FCHSD1: variants seen among roughly 807,000 people sequenced by gnomAD.
FCHSD1 encodes the protein F-BAR and double SH3 domains protein 1.
Under a neutral mutation model 101.3 loss-of-function variants are expected in FCHSD1, and 109 were observed. The observed-to-expected ratio is 1.08, with a 90% CI of 0.92 to 1.26. The LOEUF (loss-of-function observed/expected upper bound fraction) is 1.26, where lower values mean the gene tolerates loss of function less well. Ranked by LOEUF, FCHSD1 falls within the 50% of genes most tolerant of loss-of-function variation. The pLI is 0.00. For synonymous variants in FCHSD1, 291 were observed against 356.8 expected (o/e 0.82, Z 2.08); for missense variants, 820 against 895.8 (o/e 0.92, Z 1.08).
chr5:141,646,732 T>G lies in FCHSD1; in HGVS notation c.925-10A>C, dbSNP rs773662944. 2 of 1,611,168 alleles carry G rather than the reference T, an allele frequency of 1.2e-6. No individual in the cohort carries two copies. Among genetic ancestry groups the G allele is most frequent in the Admixed American group, 3.3e-5 (2 of 59,792 alleles). On this transcript the variant is annotated splice_polypyrimidine_tract_variant and intron_variant, in intron 10 of 19. Transcript: ENST00000435817. ...ACTCCAGGACACACACCTGAATGGGTCAGGGGGTGCTGTGAGGAGGACCTG... is the reference window on the plus strand; with the variant it reads ...ACTCCAGGACACACACCTGAATGGGGCAGGGGGTGCTGTGAGGAGGACCTG...
chr5:141,640,812 T>G lies in FCHSD1; in HGVS notation c.*686A>C. 1.2e-6 allele frequency: 1 copy of G among 800,384 alleles called. No homozygotes were observed. The highest frequency in any genetic ancestry group is 1.8e-5 in the South Asian group (1 of 55,038). 49.6% of individuals were successfully genotyped at this position (800,384 alleles called of 1,614,324 possible). On this transcript the variant is annotated 3_prime_UTR_variant, in exon 20 of 20. Transcript: ENST00000435817. ...CACCTGGAGTTGCACAGTCTCAGGC[T>G]GGGGGCCTCAGGAGAGGTCACAGCC...
rs1472385013 is a variant in FCHSD1 at position 141,646,160 on chromosome 5, T to G, written c.1076A>C (p.Gln359Pro). ...GCTTGGAGCCTCCCGCTCTGAAGCC[T>G]GCTGCCGCCTCTGCTCCAGTCGTTG... ...VLQRLEQRRQ[Q>P]ASEREAPSIE... Residue 359 changes from glutamine (Q) to proline (P), a missense_variant, in exon 12 of 20, where the codon CAG becomes CCG. Physicochemically the swap from Gln to Pro is moderately conservative, Grantham distance 76. Transcript: ENST00000435817. 1.2e-6 allele frequency: 2 copies of G among 1,610,686 alleles called. No homozygotes were observed. Among genetic ancestry groups the G allele is most frequent in the Non-Finnish European group, 1.7e-6 (2 of 1,178,738 alleles).
chr5:141,641,793 T>C (rs186230756), intron 18 of FCHSD1, 36 bp from the exon 19 acceptor site: 78 of 1,610,664 alleles, frequency 4.8e-5, no homozygotes, highest in Non-Finnish European at 6.1e-5. Flanking sequence ...CTTCAGACTT[T>C]GTTTTGTTCA....
intron 10 of FCHSD1, 116 bp from the exon 11 acceptor site, chr5:141,646,838 A>T: frequency 7.0e-7 from 1 of 1,427,698 alleles, no homozygotes; most frequent in Non-Finnish European, 9.3e-7. Flanking sequence ...AAAGGGGCAC[A>T]TGCCTACAGT....
Position 141,639,389 on chromosome 5 carries a change from C to A in FCHSD1, c.*2109G>T. 1 of 1,308,028 alleles carries A rather than the reference C, an allele frequency of 7.6e-7. No individual in the cohort carries two copies. Among genetic ancestry groups the A allele is most frequent in the Non-Finnish European group, 1.1e-6 (1 of 945,398 alleles). 81.0% of individuals were successfully genotyped at this position (1,308,028 alleles called of 1,614,324 possible). ...GGCTTCTGGGGTTTTAAGGAGCATG[C>A]TGAAAGAACGTAAGAAACAAAACAT... On this transcript the variant is annotated 3_prime_UTR_variant, in exon 20 of 20. Transcript: ENST00000435817. This position sits in a 1 kb window ranked among gnomAD's most constrained non-coding sequence, Gnocchi z 4.4.
chr5:141,644,197 C>G (rs750189566), intron 17 of FCHSD1, 21 bp downstream of exon 17: 65 of 1,595,306 alleles, frequency 4.1e-5, no homozygotes, highest in Admixed American at 5.2e-5. Flanking sequence ...CTGGGGAGTT[C>G]AGGGAGAAGG....
In FCHSD1 at chr5:141,649,583, C is replaced by T. The variant is rs757804785; in HGVS notation, c.234-47G>A. Reference sequence around the variant, plus strand: ...TGAGGAGGAGAGCACTCCACAGCTTCATGAGACCACCCCCACCCCCTGCCC... The same window carrying T: ...TGAGGAGGAGAGCACTCCACAGCTTTATGAGACCACCCCCACCCCCTGCCC... On this transcript the variant is annotated intron_variant, in intron 4 of 19. Coordinates refer to ENST00000435817, the MANE Select transcript of FCHSD1 (RefSeq NM_033449.3). The surrounding 1 kb of genome is among the most constrained non-coding windows in gnomAD (Gnocchi z 4.1). 2 of 1,581,748 alleles carry T rather than the reference C, an allele frequency of 1.3e-6. No homozygotes were observed. Among genetic ancestry groups the T allele is most frequent in the Admixed American group, 1.7e-5 (1 of 57,732 alleles).
Position 141,640,713 on chromosome 5 carries a change from GGGGT to G in FCHSD1, c.*781_*784del. 1 of 1,528,434 alleles carries G rather than the reference GGGGT, an allele frequency of 6.5e-7. No homozygotes were observed. Among genetic ancestry groups the G allele is most frequent in the Non-Finnish European group, 8.8e-7 (1 of 1,142,254 alleles). 94.7% of individuals were successfully genotyped at this position (1,528,434 alleles called of 1,614,324 possible). On this transcript the variant is annotated 3_prime_UTR_variant, in exon 20 of 20. Coordinates refer to ENST00000435817, the MANE Select transcript of FCHSD1 (RefSeq NM_033449.3). ...ATGGACTACCAGCTGGCAGGGCCAG[GGGGT>G]GGGTGGGCGTGAAAGCCCTCCCCTC...
At chr5:141,645,695 A>G in intron 13 of FCHSD1, 76 bp downstream of exon 13, 2 of 1,480,272 alleles carry the variant, frequency 1.4e-6, no homozygotes, top group South Asian at 2.7e-5. Context: ...CTGTGATTCC[A>G]GTTTTATAGG....
At position 141,645,689 on chromosome 5, in the gene FCHSD1, G is replaced by C. The variant is rs999875436; in HGVS notation, c.1311+82C>G. 4 of 1,447,306 alleles carry C rather than the reference G, an allele frequency of 2.8e-6. No homozygotes were observed. The African/African-American group carries it at 5.7e-5, about 20-fold the overall frequency. 89.7% of individuals were successfully genotyped at this position (1,447,306 alleles called of 1,614,324 possible). A position where few individuals can be genotyped will look rare whatever the true frequency, so the allele number is the denominator to read the frequency against. The stretch of plus-strand genomic sequence containing the variant: ...AACCCTTTGAGTTAGGCACAACTGT[G>C]ATTCCAGTTTTATAGGGTTTGCCTT... On this transcript the variant is annotated intron_variant, in intron 13 of 19. Coordinates refer to ENST00000435817, the MANE Select transcript of FCHSD1 (RefSeq NM_033449.3).
chr5:141,643,839 ACT>A (rs370981253), intron 17 of FCHSD1, among the ~76,000 whole-genome samples: 179 of 146,816 alleles, frequency 1.2e-3, no homozygotes, highest in African/African-American at 4.6e-3. Flanking sequence ...CAAGAGCGAA[ACT>A]CTGTCTCAAA....
chr5:141,650,115 A>C (rs2099908182), intron 3 of FCHSD1, among the ~76,000 whole-genome samples, 161 bp from the exon 4 acceptor site: 1 of 152,244 alleles, frequency 6.6e-6, no homozygotes, highest in Non-Finnish European at 1.5e-5. Context: ...TCCTTACAAC[A>C]ACCCTACATG....
chr5:141,646,994 G>A, intron 10 of FCHSD1, 141 bp downstream of exon 10: 3 of 904,746 alleles, frequency 3.3e-6, no homozygotes, highest in South Asian at 3.5e-5. Flanking sequence ...GTCCTGTTGG[G>A]AGGGAGGTGA....
chr5:141,645,176 T>C, intron 13 of FCHSD1, 28 bp from the exon 14 acceptor site: 2 of 1,519,798 alleles, frequency 1.3e-6, no homozygotes, highest in East Asian at 2.3e-5. Flanking sequence ...AGACCTCATA[T>C]GGGGCCCACT....
In FCHSD1 at chr5:141,644,687, G is replaced by A. The variant is rs372901612; in HGVS notation, c.1528C>T (p.Arg510Trp). The A allele has an allele frequency of 2.1e-5, 34 of 1,613,760 alleles. No homozygotes were observed. Among genetic ancestry groups the A allele is most frequent in the South Asian group, 3.3e-5 (3 of 91,092 alleles). Residue 510 changes from arginine to tryptophan, a missense_variant, in exon 16 of 20, where the codon CGG (arginine) becomes TGG (tryptophan). By Grantham distance (101) the Arg-to-Trp change is moderately radical. Transcript: ENST00000435817. ...AAGCCTACCTCGCCGTGCTGGTTCCGAGCCTGCTCACCCAGCAATGTGAAC... is the reference window on the plus strand; with the variant it reads ...AAGCCTACCTCGCCGTGCTGGTTCCAAGCCTGCTCACCCAGCAATGTGAAC... Reference protein sequence around the residue: ...EGDADEWVKARNQHGEVGFVP... With the variant: ...EGDADEWVKAWNQHGEVGFVP...
At chr5:141,647,610 T>A in intron 8 of FCHSD1, 90 bp from the exon 9 acceptor site, 1 of 1,572,650 alleles carries the variant, frequency 6.4e-7, no homozygotes, top group South Asian at 1.2e-5. Flanking sequence ...GTGATGGGCA[T>A]GAGGTATAGG....
Position 141,645,907 on chromosome 5 carries a change from C to A in FCHSD1, c.1175G>T (p.Arg392Leu), listed in dbSNP as rs750653383. ...AQVSQVKGAARLALLQGAGLD... is the reference protein window; with the variant it reads ...AQVSQVKGAALLALLQGAGLD... ...GCCAGCCCCCTGCAGCAGGGCCAGC[C>A]GGGCAGCCCCCTTCACCTGGCTCAC... The change falls in exon 13 of 20, where the codon CGG becomes CTG. Residue 392 changes from arginine (R) to leucine (L), a missense_variant. Coordinates refer to ENST00000435817, the MANE Select transcript of FCHSD1 (RefSeq NM_033449.3). 1 of 1,571,378 alleles carries A rather than the reference C, an allele frequency of 6.4e-7. No individual in the cohort carries two copies.
Position 141,639,498 on chromosome 5 carries a change from C to T in FCHSD1, c.*2000G>A, listed in dbSNP as rs1047337508. On this transcript the variant is annotated 3_prime_UTR_variant, in exon 20 of 20. Transcript: ENST00000435817. The surrounding 1 kb of genome is among the most constrained non-coding windows in gnomAD (Gnocchi z 4.4). Reference sequence around the variant, plus strand: ...CACCTCCAGCCTGCAGGACGGAGCCCCCTCCCATCATCACACAGTGCACCT... The same window carrying T: ...CACCTCCAGCCTGCAGGACGGAGCCTCCTCCCATCATCACACAGTGCACCT... 1.2e-6 allele frequency: 2 copies of T among 1,613,966 alleles called. No homozygotes were observed. The highest frequency in any genetic ancestry group is 3.3e-5 in the Admixed American group (2 of 60,016).
chr5:141,650,913 C>T (rs2099908300), intron 2 of FCHSD1, 107 bp downstream of exon 2: 1 of 1,086,142 alleles, frequency 9.2e-7, no homozygotes, highest in Non-Finnish European at 1.4e-6. Context: ...GATGGGTCGG[C>T]TGGGGAGCTC....
Sources: gnomAD v4.1 joint callset for allele counts (sites outside exome capture counted in the v4.1 genomes callset) on GRCh38, gnomAD v4.1.1 for gene constraint, Gnocchi (gnomAD v3.1) non-coding constraint, MANE v1.5 for transcripts, NCBI Gene and HGNC (gene_info 2026-07-23, HGNC 2026-07-21) for gene names.